Variants in CNTD1 observed in about 807,000 individuals in gnomAD.
The protein encoded by CNTD1 is cyclin N-terminal domain-containing protein 1.
CNTD1 carries 17 observed loss-of-function variants against 36.3 expected under a neutral mutation model. That is an observed-to-expected ratio of 0.47 (90% CI 0.32 to 0.70). The LOEUF is 0.70. Ranked by LOEUF, CNTD1 falls within the 30% of genes least tolerant of loss-of-function variation. The pLI is 0.03. For synonymous variants in CNTD1, 128 were observed against 153.3 expected (o/e 0.83, Z 1.22); for missense variants, 338 against 386.1 (o/e 0.88, Z 1.04).
chr17:42,804,409 G>C lies in CNTD1; in HGVS notation c.417+13G>C. 6.2e-7 allele frequency: 1 copy of C among 1,611,408 alleles called. No individual in the cohort carries two copies. Among genetic ancestry groups the C allele is most frequent in the African/African-American group, 1.3e-5 (1 of 74,938 alleles). The stretch of plus-strand genomic sequence containing the variant: ...CTTCCGAAACAAAGTAAGGAGCTGG[G>C]GTTGCTCATGGGCACCTGAGTGTTA... On this transcript the variant is annotated intron_variant, in intron 3 of 6. Transcript: ENST00000588408.
chr17:42,807,722 C>T lies in CNTD1; in HGVS notation c.726-46C>T, dbSNP rs746191613. 9.7e-6 allele frequency: 13 copies of T among 1,337,228 alleles called. No individual in the cohort carries two copies. In the South Asian group the frequency reaches 1.4e-4, roughly 15 times the overall value. The allele number at this position is 1,337,228 out of a possible 1,614,324, so 82.8% of individuals were successfully genotyped here. On this transcript the variant is annotated intron_variant, in intron 5 of 6. Coordinates refer to ENST00000588408, the MANE Select transcript of CNTD1 (RefSeq NM_173478.3). Reference sequence around the variant, plus strand: ...TCCATGACCCTATGATTTGGAAGATCAAGTTCCATTCTAGCTTTAAAATTA... The same window carrying T: ...TCCATGACCCTATGATTTGGAAGATTAAGTTCCATTCTAGCTTTAAAATTA...
At chr17:42,798,804 C>T (rs757582857), upstream of CNTD1, 8 of 1,453,114 alleles carry the variant, frequency 5.5e-6, no homozygotes, top group Non-Finnish European at 6.3e-6. Flanking sequence ...AGCCGCGGTT[C>T]CCGGGCACAG....
Position 42,803,598 on chromosome 17 carries a change from CTCT to C in CNTD1, c.170-20_170-18del. Reference sequence around the variant, plus strand: ...TTTTGGTTGCATCTTGTGAATTAGGCTCTTTTTTCCTGTTTTGGCAGAGTTTGT... The same window carrying C: ...TTTTGGTTGCATCTTGTGAATTAGGCTTTTTCCTGTTTTGGCAGAGTTTGT... On this transcript the variant is annotated intron_variant, in intron 1 of 6. Coordinates refer to ENST00000588408, the MANE Select transcript of CNTD1 (RefSeq NM_173478.3). The C allele has an allele frequency of 6.2e-7, 1 of 1,604,136 alleles. No individual in the cohort carries two copies. Among genetic ancestry groups the C allele is most frequent in the Non-Finnish European group, 8.5e-7 (1 of 1,172,688 alleles).
chr17:42,801,327 C>T (rs1191932334), intron 1 of CNTD1, among the ~76,000 whole-genome samples: 3 of 148,698 alleles, frequency 2.0e-5, no homozygotes, highest in African/African-American at 7.4e-5. Flanking sequence ...GAAACCCCAT[C>T]TCTACTAAAA....
intron 5 of CNTD1, 143 bp downstream of exon 5, chr17:42,806,961 A>G (rs1212277010): frequency 8.6e-6 from 6 of 694,388 alleles, no homozygotes; most frequent in African/African-American, 1.8e-5. Context: ...ATTAGTTCCA[A>G]TATGTTGTTT....
At chr17:42,802,594 A>T (rs967132970) in intron 1 of CNTD1, among the ~76,000 whole-genome samples, 1 of 152,252 alleles carries the variant, frequency 6.6e-6, no homozygotes, top group Non-Finnish European at 1.5e-5. Flanking sequence ...TGCATTGGAC[A>T]TTGCTAGCCA....
At chr17:42,799,317 G>C in intron 1 of CNTD1, 81 bp downstream of exon 1, 1 of 1,424,624 alleles carries the variant, frequency 7.0e-7, no homozygotes, top group Middle Eastern at 2.3e-4. Flanking sequence ...AGATTCCGTT[G>C]ATTTTATTCA....
chr17:42,801,510 A>AAAAAAAT (rs1289580717), intron 1 of CNTD1, among the ~76,000 whole-genome samples: 3 of 54,354 alleles, frequency 5.5e-5, no homozygotes, highest in Non-Finnish European at 5.9e-5. Context: ...AAAAAAAAAA[A>AAAAAAAT]ATATATATAT....
At chr17:42,799,881 T>G (rs191924247) in intron 1 of CNTD1, among the ~76,000 whole-genome samples, 2 of 142,170 alleles carry the variant, frequency 1.4e-5, no homozygotes, top group Non-Finnish European at 3.0e-5. Context: ...CTGGCTAACA[T>G]GGTGAAACCC....
Position 42,799,128 on chromosome 17 carries a change from G to A in CNTD1, c.61G>A (p.Ala21Thr), listed in dbSNP as rs1015917645. 9.9e-6 allele frequency: 16 copies of A among 1,613,942 alleles called. No individual in the cohort carries two copies. In the Admixed American group the frequency reaches 2.2e-4, roughly 22 times the overall value. The change falls in exon 1 of 7, where the codon GCC becomes ACC. Residue 21 changes from alanine (A) to threonine (T), a missense_variant. Physicochemically the swap from Ala to Thr is moderately conservative, Grantham distance 58. Coordinates refer to ENST00000588408, the MANE Select transcript of CNTD1 (RefSeq NM_173478.3). ...CGTTGACTTTCAGTTTGGAGTTGTC[G>A]CCACAGAGACGATTGAAGACGCCCT... ...SLVDFQFGVV[A>T]TETIEDALLH...
rs762690897 is a variant in CNTD1, at chr17:42,804,234, A to G, written c.255A>G (p.Val85=). The stretch of plus-strand genomic sequence containing the variant: ...CCTCCCTTCCCTACAGGTTTATGGT[A>G]AAACAGGCAGAGAACATCTGCAGGC... ...QAVEILERFM[V]KQAENICRQA... is the part of the protein sequence containing the mutation. The change falls in exon 3 of 7, where the codon GTA becomes GTG. Residue 85 remains valine (V), a synonymous_variant. Transcript: ENST00000588408. 3.1e-6 allele frequency: 5 copies of G among 1,613,674 alleles called. No homozygotes were observed. The highest frequency in any genetic ancestry group is 4.2e-6 in the Non-Finnish European group (5 of 1,179,706).
At position 42,809,655 on chromosome 17, in the gene CNTD1, C is replaced by T; in HGVS notation, c.*120C>T. 2.4e-6 allele frequency: 2 copies of T among 842,020 alleles called. No homozygotes were observed. The highest frequency in any genetic ancestry group is 3.6e-6 in the Non-Finnish European group (2 of 554,372). The allele number at this position is 842,020 out of a possible 1,614,324, so 52.2% of individuals were successfully genotyped here. ...TCTCTTTTGAACTGTATTTTGTATG[C>T]CAATTTCATGCTTATTTTTCCTTTA... On this transcript the variant is annotated 3_prime_UTR_variant, in exon 7 of 7. Transcript: ENST00000588408.
chr17:42,806,226 CAA>C (rs34561225), intron 4 of CNTD1, among the ~76,000 whole-genome samples: 13 of 129,432 alleles, frequency 1.0e-4, no homozygotes, highest in Non-Finnish European at 1.2e-4. Context: ...GACTCCTTCT[CAA>C]AAAAAAAAAA....
chr17:42,811,586 T>C lies in CNTD1; in HGVS notation c.*2051T>C. ...ACCATTTATACTGTTTTGCCTCCATTATTACTGCTGCTTCAATTCTGTTCA... is the reference window on the plus strand; with the variant it reads ...ACCATTTATACTGTTTTGCCTCCATCATTACTGCTGCTTCAATTCTGTTCA... On this transcript the variant is annotated 3_prime_UTR_variant, in exon 7 of 7. Transcript: ENST00000588408. 4 of 1,549,960 alleles carry C rather than the reference T, an allele frequency of 2.6e-6. No homozygotes were observed. The East Asian group carries it at 6.8e-5, about 26-fold the overall frequency.
At position 42,810,807 on chromosome 17, in the gene CNTD1, G is replaced by C. The variant is rs557426928; in HGVS notation, c.*1272G>C. The C allele has an allele frequency of 6.2e-7, 1 of 1,613,754 alleles. No individual in the cohort carries two copies. Among genetic ancestry groups the C allele is most frequent in the African/African-American group, 1.3e-5 (1 of 75,046 alleles). ...GACACCCAAGCAAGACCCCACTTAA[G>C]ATTCGTCAGCATGAACTTGAGAGCT... is the stretch of plus-strand genomic sequence containing the variant. On this transcript the variant is annotated 3_prime_UTR_variant, in exon 7 of 7. Transcript: ENST00000588408.
At chr17:42,808,935 G>C (rs1468115181) in intron 6 of CNTD1, among the ~76,000 whole-genome samples, 1 of 152,020 alleles carries the variant, frequency 6.6e-6, no homozygotes, top group Non-Finnish European at 1.5e-5. Context: ...TGTAGTCCCA[G>C]CTACTCCAGA....
Position 42,810,904 on chromosome 17 carries a change from A to T in CNTD1, c.*1369A>T. The T allele has an allele frequency of 1.9e-6, 3 of 1,610,894 alleles. No individual in the cohort carries two copies. The highest frequency in any genetic ancestry group is 2.5e-6 in the Non-Finnish European group (3 of 1,178,758). ...AGCCGCCACTGCCTCCTGTGTCTTC[A>T]ATCTTGCCTTTCTCCACATCCATCC... On this transcript the variant is annotated 3_prime_UTR_variant, in exon 7 of 7. Coordinates refer to ENST00000588408, the MANE Select transcript of CNTD1 (RefSeq NM_173478.3).
At chr17:42,807,721 T>C (rs2054904407) in intron 5 of CNTD1, 47 bp from the exon 6 acceptor site, 2 of 1,334,928 alleles carry the variant, frequency 1.5e-6, no homozygotes, top group Admixed American at 3.4e-5. Context: ...ATTTGGAAGA[T>C]CAAGTTCCAT....
chr17:42,806,932 C>T (rs2144127089), intron 5 of CNTD1, 114 bp downstream of exon 5: 1 of 901,994 alleles, frequency 1.1e-6, no homozygotes, highest in Non-Finnish European at 1.7e-6. Context: ...AGATAACCTA[C>T]TCAGGCTACC....
Sources: gnomAD v4.1 joint callset for allele counts (sites outside exome capture counted in the v4.1 genomes callset) on GRCh38, gnomAD v4.1.1 for gene constraint, MANE v1.5 for transcripts, NCBI Gene and HGNC (gene_info 2026-07-23, HGNC 2026-07-21) for gene names.